The following GRM8 variants were observed in gnomAD, a reference collection of about 807,000 sequenced individuals.
GRM8 encodes the protein metabotropic glutamate receptor 8.
In GRM8, 47 loss-of-function variants were observed where a neutral mutation model predicts 87.2. That is an observed-to-expected ratio of 0.54 (90% CI 0.43 to 0.69). The LOEUF (loss-of-function observed/expected upper bound fraction) is 0.69. GRM8 is among the 30% of genes least tolerant of loss of function. The pLI is 0.00. For missense variants in GRM8, 1,019 were observed against 1,139.2 expected (o/e 0.89, Z 1.52); for synonymous variants, 396 against 404.5 (o/e 0.98, Z 0.25).
chr7:126,822,494 C>A (rs1487052916), intron 6 of GRM8, among the ~76,000 whole-genome samples: 1 of 150,492 alleles, frequency 6.6e-6, no homozygotes, highest in Non-Finnish European at 1.5e-5. Flanking sequence ...TTTCCTCTGT[C>A]TTTCTCCTTC....
chr7:126,458,850 A>G lies in GRM8; in HGVS notation c.2431-12478T>C, dbSNP rs553276756. On this transcript the variant is annotated intron_variant, in intron 9 of 10. Coordinates refer to ENST00000339582, the MANE Select transcript of GRM8 (RefSeq NM_000845.3). ...AAGTAACTCCTATAAAAAGGAAAGT[A>G]CAAACTATTTAGAAATTGAATAATC... Among the ~76,000 whole-genome samples the G allele has an allele frequency of 3.0e-4, 46 of 151,408 alleles. No homozygotes were observed. In the South Asian group the frequency reaches 9.5e-3, roughly 31 times the overall value.
intron 3 of GRM8, among the ~76,000 whole-genome samples, chr7:126,958,910 T>C (rs530364281): frequency 2.6e-5 from 4 of 152,346 alleles, no homozygotes; most frequent in African/African-American, 9.6e-5. Flanking sequence ...GTACATTCAG[T>C]AAAGCTGCCC....
chr7:126,528,765 C>CTTTGTATTGGAA, intron 9 of GRM8, among the ~76,000 whole-genome samples: 1 of 151,946 alleles, frequency 6.6e-6, no homozygotes, highest in Non-Finnish European at 1.5e-5. Context: ...CTTTACATTG[C>CTTTGTATTGGAA]TTTGTATTGG....
intron 8 of GRM8, among the ~76,000 whole-genome samples, chr7:126,608,848 C>T (rs1211055883): frequency 6.6e-6 from 1 of 151,468 alleles, no homozygotes; most frequent in Non-Finnish European, 1.5e-5. Context: ...ACTGCAAGCT[C>T]CGCCTCCCGG....
At chr7:126,995,255 C>A (rs1471952915) in intron 3 of GRM8, among the ~76,000 whole-genome samples, 1 of 152,138 alleles carries the variant, frequency 6.6e-6, no homozygotes, top group Non-Finnish European at 1.5e-5. Context: ...CAAGCTCAGA[C>A]TGAGAAGACT....
At chr7:126,761,130 G>A (rs969606323) in intron 7 of GRM8, among the ~76,000 whole-genome samples, 2 of 152,118 alleles carry the variant, frequency 1.3e-5, no homozygotes, top group South Asian at 2.1e-4. Flanking sequence ...CTCAGGAGGC[G>A]GAGGTTGCAG....
chr7:127,159,388 T>C (rs1792948343), intron 2 of GRM8, among the ~76,000 whole-genome samples: 3 of 152,182 alleles, frequency 2.0e-5, no homozygotes, highest in Admixed American at 1.3e-4. Flanking sequence ...ACCTAATTAA[T>C]TGTTACATAG....
intron 7 of GRM8, among the ~76,000 whole-genome samples, chr7:126,625,645 T>C (rs1800599547): frequency 6.6e-6 from 1 of 152,170 alleles, no homozygotes; most frequent in African/African-American, 2.4e-5. Context: ...GACCCTATAA[T>C]TGCATTTATA....
At chr7:126,563,220 T>C (rs908173554) in intron 8 of GRM8, among the ~76,000 whole-genome samples, 3 of 152,168 alleles carry the variant, frequency 2.0e-5, no homozygotes, top group African/African-American at 7.2e-5. Flanking sequence ...TAATTTTAAA[T>C]TCTTGATATT....
chr7:127,195,543 T>A (rs559712071), intron 2 of GRM8, among the ~76,000 whole-genome samples: 49 of 152,172 alleles, frequency 3.2e-4, no homozygotes, highest in Non-Finnish European at 5.9e-4. Flanking sequence ...TTCAGACCTG[T>A]TGAATTACTT....
chr7:127,207,399 G>A (rs1378459409), intron 2 of GRM8, among the ~76,000 whole-genome samples: 1 of 152,048 alleles, frequency 6.6e-6, no homozygotes, highest in Non-Finnish European at 1.5e-5. Context: ...AATCATAAAT[G>A]CTCATTTACT....
intron 8 of GRM8, among the ~76,000 whole-genome samples, chr7:126,546,157 C>T (rs1336601463): frequency 6.6e-6 from 1 of 152,120 alleles, no homozygotes; most frequent in East Asian, 1.9e-4. Context: ...TTATTGAGGA[C>T]ATACTATGTG....
chr7:127,063,362 G>T (rs1256646810), intron 3 of GRM8, among the ~76,000 whole-genome samples: 1 of 152,008 alleles, frequency 6.6e-6, no homozygotes, highest in Non-Finnish European at 1.5e-5. Flanking sequence ...AATCACTTGA[G>T]GTCAGGAGTT....
intron 2 of GRM8, among the ~76,000 whole-genome samples, chr7:127,226,556 C>T (rs558783917): frequency 3.9e-5 from 6 of 152,224 alleles, no homozygotes; most frequent in African/African-American, 1.4e-4. Context: ...GTAAATTGCC[C>T]AAGGAAGCCT....
chr7:126,602,711 C>T (rs899562330), intron 8 of GRM8, among the ~76,000 whole-genome samples: 7 of 151,602 alleles, frequency 4.6e-5, no homozygotes, highest in African/African-American at 1.7e-4. Context: ...AATGGGAGTT[C>T]ACTCATGATT....
intron 8 of GRM8, among the ~76,000 whole-genome samples, chr7:126,591,275 A>G (rs1796644554): frequency 6.6e-6 from 1 of 152,154 alleles, no homozygotes; most frequent in African/African-American, 2.4e-5. Context: ...GTTAAAAAAG[A>G]CAAAGAGGGA....
intron 9 of GRM8, among the ~76,000 whole-genome samples, chr7:126,461,737 G>A (rs1342762479): frequency 1.3e-5 from 2 of 151,484 alleles, no homozygotes; most frequent in African/African-American, 2.4e-5. Flanking sequence ...CTGTTATTTC[G>A]GATGAATTCT....
At chr7:126,802,162 CATATGT>C (rs1363540096) in intron 6 of GRM8, among the ~76,000 whole-genome samples, 1 of 152,158 alleles carries the variant, frequency 6.6e-6, no homozygotes, top group African/African-American at 2.4e-5. Context: ...CGTTACCTCA[CATATGT>C]ATGTCTTTTT....
intron 8 of GRM8, among the ~76,000 whole-genome samples, chr7:126,551,735 T>A (rs1324484440): frequency 6.6e-6 from 1 of 152,104 alleles, no homozygotes; most frequent in East Asian, 1.9e-4. Flanking sequence ...TGGAACCATT[T>A]ATCATAATGC....
Sources: gnomAD v4.1 joint callset for allele counts (sites outside exome capture counted in the v4.1 genomes callset) on GRCh38, gnomAD v4.1.1 for gene constraint, MANE v1.5 for transcripts, NCBI Gene and HGNC (gene_info 2026-07-23, HGNC 2026-07-21) for gene names.